SH2D4B: variants seen among roughly 807,000 people sequenced by gnomAD.
The protein encoded by SH2D4B is SH2 domain containing 4B, also known as SH2 domain-containing protein 4B.
SH2D4B carries 45 observed loss-of-function variants against 61.5 expected under a neutral mutation model. The observed-to-expected ratio is 0.73, with a 90% CI of 0.58 to 0.94. The LOEUF (loss-of-function observed/expected upper bound fraction) is 0.94. SH2D4B is among the 40% of genes least tolerant of loss of function. The pLI is 0.00. For missense variants in SH2D4B, 572 were observed against 574.2 expected (o/e 1.00, Z 0.04); for synonymous variants, 224 against 220.4 (o/e 1.02, Z -0.14).
chr10:80,545,405 C>A (rs1195532739), intron 1 of SH2D4B, among the ~76,000 whole-genome samples: 2 of 151,688 alleles, frequency 1.3e-5, no homozygotes, highest in African/African-American at 2.4e-5. Context: ...TCTCCTCTTT[C>A]TCTTACTTTC....
chr10:80,627,544 T>C (rs1487925169), intron 6 of SH2D4B, among the ~76,000 whole-genome samples: 1 of 152,038 alleles, frequency 6.6e-6, no homozygotes, highest in Non-Finnish European at 1.5e-5. Flanking sequence ...GCTCCAGAAC[T>C]GGGTGGGGTG....
At chr10:80,626,963 C>T (rs1001722291) in intron 6 of SH2D4B, among the ~76,000 whole-genome samples, 1 of 152,184 alleles carries the variant, frequency 6.6e-6, no homozygotes, top group Non-Finnish European at 1.5e-5. Context: ...CTTTTCCTGA[C>T]ATTCAGTGTC....
At chr10:80,595,173 T>G (rs1400900128) in intron 4 of SH2D4B, among the ~76,000 whole-genome samples, 1 of 152,240 alleles carries the variant, frequency 6.6e-6, no homozygotes, top group Non-Finnish European at 1.5e-5. Flanking sequence ...TCTTGGGCCC[T>G]GGCAGACCAA....
intron 6 of SH2D4B, among the ~76,000 whole-genome samples, chr10:80,623,195 G>A (rs1177818751): frequency 6.6e-6 from 1 of 152,252 alleles, no homozygotes; most frequent in Non-Finnish European, 1.5e-5. Flanking sequence ...GATTACAGGC[G>A]TGAGCCGCCG....
intron 4 of SH2D4B, among the ~76,000 whole-genome samples, chr10:80,591,559 T>C (rs1190007299): frequency 7.2e-6 from 1 of 138,088 alleles, no homozygotes; most frequent in South Asian, 2.3e-4. Flanking sequence ...CAGGCTGGAG[T>C]GCAGTGGCGT....
At chr10:80,628,848 G>A (rs1044333747) in intron 6 of SH2D4B, among the ~76,000 whole-genome samples, 1 of 151,898 alleles carries the variant, frequency 6.6e-6, no homozygotes, top group African/African-American at 2.4e-5. Flanking sequence ...TGACCAACAT[G>A]GTGAAAGCCC....
At chr10:80,643,509 TC>T (rs1353485556) in intron 7 of SH2D4B, among the ~76,000 whole-genome samples, 1 of 152,170 alleles carries the variant, frequency 6.6e-6, no homozygotes, top group Admixed American at 6.5e-5. Context: ...CAGTCTTGTT[TC>T]CCAAATTCAG....
At chr10:80,619,420 A>G (rs548159375) in intron 6 of SH2D4B, among the ~76,000 whole-genome samples, 42 of 152,334 alleles carry the variant, frequency 2.8e-4, no homozygotes, top group African/African-American at 8.4e-4. Flanking sequence ...CGGGAGTGCT[A>G]TGGTCAGTAT....
chr10:80,546,526 A>ATTT (rs61475653), intron 1 of SH2D4B, among the ~76,000 whole-genome samples: 2 of 138,410 alleles, frequency 1.4e-5, no homozygotes, highest in Non-Finnish European at 3.1e-5. Flanking sequence ...AGCATACGGT[A>ATTT]TTTTTTTTTT....
At chr10:80,642,698 G>A (rs1840327862) in intron 7 of SH2D4B, among the ~76,000 whole-genome samples, 1 of 152,264 alleles carries the variant, frequency 6.6e-6, no homozygotes, top group Non-Finnish European at 1.5e-5. Flanking sequence ...TCTGGCTTCC[G>A]ATTTTTCATG....
chr10:80,564,984 A>AC (rs1398164847), intron 1 of SH2D4B, among the ~76,000 whole-genome samples: 5 of 152,208 alleles, frequency 3.3e-5, no homozygotes, highest in African/African-American at 1.2e-4. Context: ...AAATTTATAG[A>AC]CAAAAAAAGG....
chr10:80,604,986 G>A (rs1842500902), intron 5 of SH2D4B, among the ~76,000 whole-genome samples: 1 of 152,056 alleles, frequency 6.6e-6, no homozygotes, highest in African/African-American at 2.4e-5. Context: ...GTAGAGATGG[G>A]GTTTCACTGT....
intron 5 of SH2D4B, among the ~76,000 whole-genome samples, chr10:80,605,009 G>T (rs978181097): frequency 6.6e-6 from 1 of 152,122 alleles, no homozygotes; most frequent in African/African-American, 2.4e-5. Flanking sequence ...TAGCCAGGAT[G>T]GTCTCGATTT....
At chr10:80,596,893 C>G (rs1842391395) in intron 4 of SH2D4B, among the ~76,000 whole-genome samples, 1 of 152,134 alleles carries the variant, frequency 6.6e-6, no homozygotes, top group Non-Finnish European at 1.5e-5. Flanking sequence ...TGAGGAGCAA[C>G]AGTATACGCT....
chr10:80,563,707 G>A (rs1011973569), intron 1 of SH2D4B, among the ~76,000 whole-genome samples: 1 of 152,182 alleles, frequency 6.6e-6, no homozygotes, highest in African/African-American at 2.4e-5. Context: ...CACAACAACA[G>A]AAGCTCTTTG....
In SH2D4B at chr10:80,603,584, C is replaced by T. The variant is rs7069048; in HGVS notation, c.649C>T (p.Arg217Trp). The T allele has an allele frequency of 1.5e-5, 23 of 1,548,912 alleles. No homozygotes were observed. The highest frequency in any genetic ancestry group is 1.2e-4 in the South Asian group (10 of 84,194). ...TGCTGTCTTCCTCTTTCCAGTGCGCCGGTCCAAGGCGGCTGATGAGGAGAG... is the reference window on the plus strand; with the variant it reads ...TGCTGTCTTCCTCTTTCCAGTGCGCTGGTCCAAGGCGGCTGATGAGGAGAG... Reference protein sequence around the residue: ...EEREWEEQLRRSKAADEERSR... With the variant: ...EEREWEEQLRWSKAADEERSR... The change falls in exon 5 of 8, where the codon CGG (arginine) becomes TGG (tryptophan). Residue 217 changes from arginine to tryptophan, a missense_variant. By Grantham distance (101) the Arg-to-Trp change is moderately radical. Coordinates refer to ENST00000646907, the MANE Select transcript of SH2D4B (RefSeq NM_001388272.1).
chr10:80,566,616 T>C (rs559696088), intron 1 of SH2D4B, among the ~76,000 whole-genome samples: 1 of 152,180 alleles, frequency 6.6e-6, no homozygotes, highest in Admixed American at 6.5e-5. Flanking sequence ...TTATTTGTCC[T>C]TTGAGGTTGG....
chr10:80,546,042 CTTTCT>C (rs1841675073), intron 1 of SH2D4B, among the ~76,000 whole-genome samples: 1 of 144,270 alleles, frequency 6.9e-6, no homozygotes, highest in South Asian at 2.2e-4. Flanking sequence ...CTTTCTCTCT[CTTTCT>C]TTTTTTTTTT....
At position 80,609,490 on chromosome 10, in the gene SH2D4B, G is replaced by A. The variant is rs144598902; in HGVS notation, c.927G>A (p.Glu309=). The part of the protein sequence containing the change: ...RDVIVRWFKE[E]QLPRRAGFER... ...TCATCGTCCGCTGGTTTAAGGAGGA[G>A]CAGCTGCCTCGCCGAGCTGGCTTCG... The change falls in exon 6 of 8, where the codon GAG becomes GAA. Residue 309 remains glutamate, a synonymous_variant. Transcript: ENST00000646907. The A allele has an allele frequency of 6.2e-7, 1 of 1,614,098 alleles. No individual in the cohort carries two copies. Among genetic ancestry groups the A allele is most frequent in the Non-Finnish European group, 8.5e-7 (1 of 1,180,048 alleles).
Sources: gnomAD v4.1 joint callset for allele counts (sites outside exome capture counted in the v4.1 genomes callset) on GRCh38, gnomAD v4.1.1 for gene constraint, MANE v1.5 for transcripts, NCBI Gene and HGNC (gene_info 2026-07-23, HGNC 2026-07-21) for gene names.